The following BPTF variants were observed in gnomAD, a reference collection of about 807,000 sequenced individuals.
The protein encoded by BPTF is nucleosome-remodeling factor subunit BPTF.
BPTF carries 18 observed loss-of-function variants against 292.5 expected under a neutral mutation model. The observed-to-expected ratio is 0.06, with a 90% CI of 0.04 to 0.09. The LOEUF is 0.09. BPTF is among the 10% of genes least tolerant of loss of function. The pLI is 1.00. For missense variants in BPTF, 2,726 were observed against 3,498.7 expected, an observed-to-expected ratio of 0.78 and a Z score of 5.57; for synonymous variants, 1,225 against 1,251.9, an observed-to-expected ratio of 0.98 and a Z score of 0.45.
At chr17:67,913,442 T>G (rs2062783361) in intron 11 of BPTF, among the ~76,000 whole-genome samples, 1 of 152,210 alleles carries the variant, frequency 6.6e-6, no homozygotes, top group Non-Finnish European at 1.5e-5. Flanking sequence ...GTTTTAACTT[T>G]CATAAGACAA....
chr17:67,861,929 A>G (rs572968630), intron 2 of BPTF, among the ~76,000 whole-genome samples: 1 of 152,222 alleles, frequency 6.6e-6, no homozygotes, highest in South Asian at 2.1e-4. Context: ...TTTCTCTTGC[A>G]TCGTGAAATA....
At chr17:67,895,353 AAAAG>A (rs1235448264) in intron 7 of BPTF, among the ~76,000 whole-genome samples, 3 of 151,094 alleles carry the variant, frequency 2.0e-5, no homozygotes, top group Non-Finnish European at 4.4e-5. Context: ...AAAAAAAAAA[AAAAG>A]GAATGTAATA....
intron 11 of BPTF, 54 bp downstream of exon 11, chr17:67,913,241 C>T (rs1172028348): frequency 2.7e-6 from 4 of 1,502,334 alleles, no homozygotes; most frequent in Admixed American, 2.3e-5. Flanking sequence ...AAAGAATTAT[C>T]TCACAAGAAT....
chr17:67,947,890 T>G (rs1485783792), intron 22 of BPTF, 82 bp downstream of exon 22: 13 of 1,366,960 alleles, frequency 9.5e-6, no homozygotes, highest in Non-Finnish European at 1.3e-5. Flanking sequence ...TTTATACTTG[T>G]TTATCTTGAT....
chr17:67,983,244 A>G lies in BPTF; in HGVS notation c.*956A>G, dbSNP rs1278658282. 1.3e-5 allele frequency: 2 copies of G among 152,736 alleles called. No homozygotes were observed. The highest frequency in any genetic ancestry group is 6.5e-5 in the Admixed American group (1 of 15,290). The allele number at this position is 152,736 out of a possible 1,614,324, so 9.5% of individuals were successfully genotyped here. A position where few individuals can be genotyped will look rare whatever the true frequency, so the allele number is the denominator to read the frequency against. On this transcript the variant is annotated 3_prime_UTR_variant, in exon 28 of 28. Coordinates refer to ENST00000306378, the MANE Select transcript of BPTF (RefSeq NM_182641.4). ...AAGGTCATGAAAGGCAGAAGAGTCT[A>G]ATTGTGCCTGGATTTCTCCAGGACA...
Position 67,826,300 on chromosome 17 carries a change from C to T in BPTF, c.576C>T (p.Ser192=). The change falls in exon 1 of 28, where the codon AGC becomes AGT. Residue 192 remains serine, a synonymous_variant. Coordinates refer to ENST00000306378, the MANE Select transcript of BPTF (RefSeq NM_182641.4). The part of the protein sequence containing the change: ...DDDDASYCTE[S]SFRSHSTYSS... ...ACGACGCCAGTTACTGCACGGAAAGCAGCTTCAGGAGCCATAGTACCTACA... is the reference window on the plus strand; with the variant it reads ...ACGACGCCAGTTACTGCACGGAAAGTAGCTTCAGGAGCCATAGTACCTACA... 1 of 1,612,602 alleles carries T rather than the reference C, an allele frequency of 6.2e-7. No homozygotes were observed.
intron 4 of BPTF, among the ~76,000 whole-genome samples, chr17:67,881,509 T>A (rs1250529079): frequency 6.9e-6 from 1 of 145,504 alleles, no homozygotes; most frequent in African/African-American, 2.5e-5. Flanking sequence ...TTTTTTTTTT[T>A]TTTTTTTTGA....
At chr17:67,892,442 TG>T (rs1284091317) in intron 5 of BPTF, among the ~76,000 whole-genome samples, 1 of 152,246 alleles carries the variant, frequency 6.6e-6, no homozygotes, top group Non-Finnish European at 1.5e-5. Flanking sequence ...AATTAGAGGA[TG>T]AGGCTTACCC....
chr17:67,976,123 G>A, intron 27 of BPTF, 165 bp downstream of exon 27: 1 of 519,112 alleles, frequency 1.9e-6, no homozygotes, highest in Non-Finnish European at 3.1e-6. Context: ...TACTGCCAAG[G>A]AGAAGTGGAC....
intron 24 of BPTF, 135 bp from the exon 25 acceptor site, chr17:67,964,077 T>C (rs765864376): frequency 1.6e-4 from 140 of 895,084 alleles, no homozygotes; most frequent in Non-Finnish European, 2.0e-4. Flanking sequence ...GGAATGTCAA[T>C]CTTGAAAGTA....
At chr17:67,943,004 T>A (rs2065505218) in intron 19 of BPTF, among the ~76,000 whole-genome samples, 1 of 152,172 alleles carries the variant, frequency 6.6e-6, no homozygotes, top group South Asian at 2.1e-4. Flanking sequence ...TGAATATTGC[T>A]CCTGAGTTTG....
intron 1 of BPTF, among the ~76,000 whole-genome samples, chr17:67,849,142 GTTTTCAAACTTGCCGC>G (rs2144772752): frequency 6.6e-6 from 1 of 152,196 alleles, no homozygotes; most frequent in South Asian, 2.1e-4. Flanking sequence ...TAAAGTAGTG[GTTTTCAAACTTGCCGC>G]ACATCAGAAT....
intron 11 of BPTF, among the ~76,000 whole-genome samples, chr17:67,917,617 T>TTTAATTAA (rs376041236): frequency 1.3e-5 from 2 of 151,168 alleles, no homozygotes; most frequent in African/African-American, 2.4e-5. Context: ...TTTGGTTTAA[T>TTTAATTAA]TTAATTAATT....
Position 67,982,493 on chromosome 17 carries a change from T to A in BPTF, c.*205T>A, listed in dbSNP as rs1358223244. 3.5e-5 allele frequency: 16 copies of A among 459,768 alleles called. No individual in the cohort carries two copies. Among genetic ancestry groups the A allele is most frequent in the African/African-American group, 3.0e-4 (15 of 49,790 alleles). The allele number at this position is 459,768 out of a possible 1,614,324, so 28.5% of individuals were successfully genotyped here. On this transcript the variant is annotated 3_prime_UTR_variant, in exon 28 of 28. Transcript: ENST00000306378. ...AAAAGCAAAGTCAACGACACCATTA[T>A]CTTGTCAAGATCAGATGGTTTTACT...
At chr17:67,901,491 AAGAC>A (rs888150834) in intron 7 of BPTF, among the ~76,000 whole-genome samples, 3 of 152,202 alleles carry the variant, frequency 2.0e-5, no homozygotes, top group African/African-American at 7.2e-5. Context: ...TCAAAGTCAA[AAGAC>A]AGATGACAAA....
chr17:67,977,110 T>G, intron 27 of BPTF, among the ~76,000 whole-genome samples: 1 of 152,142 alleles, frequency 6.6e-6, no homozygotes, highest in Non-Finnish European at 1.5e-5. Context: ...TAAGAAAAAA[T>G]GATTGTCAGC....
intron 26 of BPTF, among the ~76,000 whole-genome samples, chr17:67,970,773 A>G (rs575753180): frequency 1.3e-5 from 2 of 152,386 alleles, no homozygotes; most frequent in South Asian, 4.1e-4. Flanking sequence ...CAGCTGTTAT[A>G]GACCTACATC....
intron 1 of BPTF, among the ~76,000 whole-genome samples, chr17:67,826,678 A>G (rs2056094953): frequency 1.3e-5 from 2 of 149,358 alleles, no homozygotes; most frequent in Admixed American, 1.3e-4. Flanking sequence ...TATCCATTGC[A>G]TTCATTTTTC....
chr17:67,893,122 A>G, intron 5 of BPTF: 1 of 485,430 alleles, frequency 2.1e-6, no homozygotes, highest in Non-Finnish European at 3.7e-6. Context: ...AGCAGTGAAT[A>G]ATAGTATCTG....
Sources: allele counts gnomAD v4.1 joint callset (sites outside exome capture counted in the v4.1 genomes callset), GRCh38; gene constraint gnomAD v4.1.1; transcripts MANE v1.5; gene names NCBI Gene and HGNC (gene_info 2026-07-23, HGNC 2026-07-21).